RAD18: variants seen among roughly 807,000 people sequenced by gnomAD.
RAD18 encodes the protein E3 ubiquitin-protein ligase RAD18.
A neutral mutation model predicts 60.4 loss-of-function variants in RAD18; 47 were observed. The observed-to-expected ratio is 0.78, with a 90% CI of 0.62 to 0.99. The LOEUF is 0.99. RAD18 is among the 50% of genes least tolerant of loss of function. The pLI is 0.00. For synonymous variants in RAD18, 225 were observed against 195.5 expected (o/e 1.15, Z -1.26); for missense variants, 640 against 593.3 (o/e 1.08, Z -0.82).
chr3:8,958,431 T>C (rs998852253), intron 2 of RAD18, among the ~76,000 whole-genome samples: 1 of 152,176 alleles, frequency 6.6e-6, no homozygotes, highest in African/African-American at 2.4e-5. Context: ...ACAAACAAAT[T>C]CCAACATGAG....
chr3:8,958,966 G>C lies in RAD18; in HGVS notation c.87C>G (p.Phe29Leu). Residue 29 changes from phenylalanine to leucine, a missense_variant, in exon 2 of 13, where the codon TTC (phenylalanine) becomes TTG (leucine). Phe to Leu is a conservative substitution (Grantham distance 22). Coordinates refer to ENST00000264926, the MANE Select transcript of RAD18 (RefSeq NM_020165.4). ...TTATCATTGCAATGTTGAAATACTC[G>C]AAGCAAATTCCACACCGCAGCAAAT... Reference protein sequence around the residue: ...IDDLLRCGICFEYFNIAMIIP... With the variant: ...IDDLLRCGICLEYFNIAMIIP... The C allele has an allele frequency of 6.2e-7, 1 of 1,613,596 alleles. No individual in the cohort carries two copies. The highest frequency in any genetic ancestry group is 8.5e-7 in the Non-Finnish European group (1 of 1,179,714).
intron 7 of RAD18, among the ~76,000 whole-genome samples, chr3:8,919,371 C>T (rs1448322276): frequency 2.6e-5 from 4 of 152,020 alleles, no homozygotes; most frequent in Middle Eastern, 3.4e-3. Flanking sequence ...AATCACGACT[C>T]GAATGAAAAA....
rs777262301 is a variant in RAD18 at position 8,941,725 on chromosome 3, C to T, written c.346G>A (p.Val116Ile). ...TGTCTGGAGGCTACAGGAGTATATA[C>T]TTTGACAGCAAGATTCTTTGAAGAG... The part of the protein sequence containing the change: ...SSSSKNLAVK[V>I]YTPVASRQSL... The change falls in exon 5 of 13, where the codon GTA becomes ATA. Residue 116 changes from valine to isoleucine, a missense_variant. Val to Ile is a conservative substitution (Grantham distance 29). Transcript: ENST00000264926. 1.2e-6 allele frequency: 2 copies of T among 1,614,024 alleles called. No individual in the cohort carries two copies. Among genetic ancestry groups the T allele is most frequent in the Non-Finnish European group, 1.7e-6 (2 of 1,180,006 alleles).
intron 11 of RAD18, 30 bp from the exon 12 acceptor site, chr3:8,890,481 GACA>G (rs778408770): frequency 9.5e-6 from 14 of 1,473,776 alleles, no homozygotes; most frequent in Non-Finnish European, 1.3e-5. Context: ...AGTATTGACA[GACA>G]ACAAGAAGAC....
chr3:8,916,423 G>A (rs1454968213), intron 7 of RAD18, among the ~76,000 whole-genome samples: 1 of 152,202 alleles, frequency 6.6e-6, no homozygotes, highest in African/African-American at 2.4e-5. Flanking sequence ...GACCCTCTCT[G>A]AGGCACAGGC....
intron 9 of RAD18, among the ~76,000 whole-genome samples, chr3:8,907,870 G>A (rs995717644): frequency 6.6e-6 from 1 of 152,180 alleles, no homozygotes; most frequent in Non-Finnish European, 1.5e-5. Context: ...ACACTGCTAC[G>A]GGGCCTGCAC....
At chr3:8,962,146 T>G (rs1449038755) in intron 1 of RAD18, among the ~76,000 whole-genome samples, 1 of 152,246 alleles carries the variant, frequency 6.6e-6, no homozygotes, top group Non-Finnish European at 1.5e-5. Context: ...ACTAATTTAT[T>G]TAATCAATCC....
At chr3:8,955,066 T>TAC (rs1559801892) in intron 2 of RAD18, among the ~76,000 whole-genome samples, 4 of 152,106 alleles carry the variant, frequency 2.6e-5, no homozygotes, top group African/African-American at 9.7e-5. Context: ...ACAACATGTA[T>TAC]CCCTAGGGAG....
chr3:8,894,455 A>G (rs1331181733), intron 11 of RAD18, among the ~76,000 whole-genome samples: 4 of 152,240 alleles, frequency 2.6e-5, no homozygotes, highest in African/African-American at 9.6e-5. Flanking sequence ...CAGGGAAGTT[A>G]GAGGGACAAA....
At chr3:8,933,118 T>C (rs896288848) in intron 7 of RAD18, among the ~76,000 whole-genome samples, 13 of 150,496 alleles carry the variant, frequency 8.6e-5, no homozygotes, top group African/African-American at 3.2e-4. Flanking sequence ...ATAAATAAAA[T>C]AAAATAAAAA....
chr3:8,895,973 C>T (rs1939775595), intron 11 of RAD18, among the ~76,000 whole-genome samples: 2 of 152,184 alleles, frequency 1.3e-5, no homozygotes, highest in Admixed American at 6.5e-5. Context: ...AAAAAACAAC[C>T]TGCAAAAATT....
At chr3:8,917,839 G>C (rs766790408) in intron 7 of RAD18, among the ~76,000 whole-genome samples, 28 of 151,816 alleles carry the variant, frequency 1.8e-4, no homozygotes, top group Middle Eastern at 3.4e-3. Context: ...ATGTCAGATT[G>C]GATAAAAAAG....
chr3:8,893,789 T>C (rs1233197756), intron 11 of RAD18, among the ~76,000 whole-genome samples: 1 of 150,212 alleles, frequency 6.7e-6, no homozygotes, highest in Non-Finnish European at 1.5e-5. Context: ...CTCAACCTCC[T>C]GTGCTCAAGG....
intron 11 of RAD18, among the ~76,000 whole-genome samples, chr3:8,891,956 T>C (rs555317192): frequency 1.3e-5 from 2 of 152,344 alleles, no homozygotes; most frequent in Non-Finnish European, 2.9e-5. Flanking sequence ...AATAGGATTT[T>C]ACAAAAAGAC....
intron 7 of RAD18, 142 bp downstream of exon 7, chr3:8,935,729 A>G: frequency 1.3e-6 from 1 of 759,324 alleles, no homozygotes; most frequent in Non-Finnish European, 2.0e-6. Flanking sequence ...TACTCTAGGT[A>G]CCTTTTGAAG....
chr3:8,958,755 C>G (rs1941050141), intron 2 of RAD18, among the ~76,000 whole-genome samples, 165 bp downstream of exon 2: 1 of 151,968 alleles, frequency 6.6e-6, no homozygotes, highest in Non-Finnish European at 1.5e-5. Flanking sequence ...TTGTAAAAAC[C>G]TTCAATATTC....
chr3:8,962,640 G>C (rs1421332223), intron 1 of RAD18, among the ~76,000 whole-genome samples: 3 of 152,220 alleles, frequency 2.0e-5, no homozygotes, highest in Non-Finnish European at 4.4e-5. Flanking sequence ...ATCTGCTCTT[G>C]AGCAAATCCA....
intron 7 of RAD18, among the ~76,000 whole-genome samples, chr3:8,930,495 T>C (rs1180576275): frequency 3.3e-5 from 5 of 152,258 alleles, no homozygotes; most frequent in African/African-American, 1.2e-4. Flanking sequence ...TACAACTCTG[T>C]GAATATACTG....
At chr3:8,904,004 A>C (rs1553624907) in intron 9 of RAD18, among the ~76,000 whole-genome samples, 12 of 152,148 alleles carry the variant, frequency 7.9e-5, no homozygotes, top group Non-Finnish European at 1.5e-5. Flanking sequence ...CTATGGTATA[A>C]CTCTGTATGT....
Sources: allele counts gnomAD v4.1 joint callset (sites outside exome capture counted in the v4.1 genomes callset), GRCh38; gene constraint gnomAD v4.1.1; transcripts MANE v1.5; gene names NCBI Gene and HGNC (gene_info 2026-07-23, HGNC 2026-07-21).